Variants in CUL1 observed in about 807,000 individuals in gnomAD.
CUL1 encodes the protein cullin 1.
CUL1 carries 24 observed loss-of-function variants against 118.0 expected under a neutral mutation model. The observed-to-expected ratio is 0.20, with a 90% CI of 0.15 to 0.29. The LOEUF (loss-of-function observed/expected upper bound fraction) is 0.29. Among genes scored for constraint, CUL1 ranks in the 10% least tolerant of loss-of-function variants. CUL1 has a pLI of 1.00. For missense variants in CUL1, 361 were observed against 933.8 expected (o/e 0.39, Z 7.99); for synonymous variants, 332 against 340.4 (o/e 0.98, Z 0.27).
At position 148,767,632 on chromosome 7, in the gene CUL1, G is replaced by A; in HGVS notation, c.966G>A (p.Met322Ile). ...DADKNEDLGR[M>I]YNLVSRIQDG... ...TTCCTCTTTCAGATTTGGGACGCAT[G>A]TATAATCTTGTATCTAGAATCCAGG... The change falls in exon 9 of 22, where the codon ATG becomes ATA. Residue 322 changes from methionine (M) to isoleucine (I), a missense_variant. Physicochemically the swap from Met to Ile is conservative, Grantham distance 10 (BLOSUM62 1). This residue lies in a region of CUL1 where 169 missense variants were observed against 429.7 expected (regional missense o/e 0.39). Coordinates refer to ENST00000325222, the MANE Select transcript of CUL1 (RefSeq NM_003592.3). 1.2e-6 allele frequency: 2 copies of A among 1,613,746 alleles called. No individual in the cohort carries two copies. The highest frequency in any genetic ancestry group is 8.5e-7 in the Non-Finnish European group (1 of 1,179,898).
chr7:148,757,301 T>C, intron 4 of CUL1, 151 bp downstream of exon 4: 3 of 453,778 alleles, frequency 6.6e-6, no homozygotes, highest in Non-Finnish European at 1.1e-5. Flanking sequence ...AAATGTCACT[T>C]AAATATTTTT....
chr7:148,735,465 G>C (rs1248319589), intron 2 of CUL1, among the ~76,000 whole-genome samples: 1 of 152,254 alleles, frequency 6.6e-6, no homozygotes, highest in Non-Finnish European at 1.5e-5. Context: ...CAGCCTTCCT[G>C]CTTCGCCTGC....
chr7:148,704,158 C>G lies in CUL1; in HGVS notation c.-162+5129C>G, dbSNP rs59416714. Among the ~76,000 whole-genome samples, 750 of 129,218 alleles carry G rather than the reference C, an allele frequency of 5.8e-3. 21 individuals carry two copies. Among genetic ancestry groups the G allele is most frequent in the African/African-American group, 0.021 (708 of 33,964 alleles). 84.8% of individuals were successfully genotyped at this position (129,218 alleles called of 152,430 possible). On this transcript the variant is annotated intron_variant, in intron 1 of 21. Transcript: ENST00000325222. ...TGTGAACACCACCAACAAAAGCGGC[C>G]CCCCCCCACCCCCGTGGAAAAAAAT...
intron 6 of CUL1, among the ~76,000 whole-genome samples, chr7:148,760,087 C>G (rs945648200): frequency 6.6e-6 from 1 of 152,158 alleles, no homozygotes; most frequent in African/African-American, 2.4e-5. Flanking sequence ...AAAGGAACTT[C>G]ATAATTTTGA....
At chr7:148,730,919 C>T (rs1798742803) in intron 2 of CUL1, among the ~76,000 whole-genome samples, 1 of 152,186 alleles carries the variant, frequency 6.6e-6, no homozygotes, top group African/African-American at 2.4e-5. Flanking sequence ...TCAAGCAATC[C>T]TCCCATCTCA....
rs567353078 is a variant in CUL1 at position 148,800,365 on chromosome 7, C to A, written c.2251-137C>A. 33 of 660,778 alleles carry A rather than the reference C, an allele frequency of 5.0e-5. No homozygotes were observed. In the African/African-American group the frequency reaches 6.0e-4, roughly 12 times the overall value. The allele number at this position is 660,778 out of a possible 1,614,324, so 40.9% of individuals were successfully genotyped here. A position where few individuals can be genotyped will look rare whatever the true frequency, so the allele number is the denominator to read the frequency against. Reference sequence around the variant, plus strand: ...GAAGTAAAACTCTATGCTAACAGATCTGGGGCGGGGACACTGCTCCCCACT... The same window carrying A: ...GAAGTAAAACTCTATGCTAACAGATATGGGGCGGGGACACTGCTCCCCACT... On this transcript the variant is annotated intron_variant, in intron 21 of 21. Coordinates refer to ENST00000325222, the MANE Select transcript of CUL1 (RefSeq NM_003592.3). The surrounding 1 kb of genome is among the most constrained non-coding windows in gnomAD (Gnocchi z 4.6).
At chr7:148,699,662 G>A (rs958163365) in intron 1 of CUL1, among the ~76,000 whole-genome samples, 10 of 152,236 alleles carry the variant, frequency 6.6e-5, no homozygotes, top group Middle Eastern at 3.4e-3. Context: ...CTATTATTGG[G>A]TAACAGTCGC....
chr7:148,790,761 C>G (rs1211599416), intron 16 of CUL1, among the ~76,000 whole-genome samples: 2 of 152,220 alleles, frequency 1.3e-5, no homozygotes, highest in East Asian at 3.8e-4. Context: ...GCCTGACACA[C>G]ATCAGCTGTT....
chr7:148,700,403 G>A (rs1427810801), intron 1 of CUL1, among the ~76,000 whole-genome samples: 1 of 152,186 alleles, frequency 6.6e-6, no homozygotes, highest in Non-Finnish European at 1.5e-5. Context: ...ACCCGAAAAT[G>A]TACCCGATTT....
Position 148,787,447 on chromosome 7 carries a change from G to T in CUL1, c.1479+327G>T, listed in dbSNP as rs913230726. On this transcript the variant is annotated intron_variant, in intron 13 of 21. Transcript: ENST00000325222. This position sits in a 1 kb window ranked among gnomAD's most constrained non-coding sequence, Gnocchi z 5.5. ...ACTACACTCCAGCCTGGGCAACAGA[G>T]TGAGACTCTGTCTCAGAAAAAAATA... 2.6e-5 allele frequency among the ~76,000 whole-genome samples: 4 copies of T among 152,186 alleles called. No homozygotes were observed. The highest frequency in any genetic ancestry group is 9.7e-5 in the African/African-American group (4 of 41,436).
intron 2 of CUL1, among the ~76,000 whole-genome samples, chr7:148,737,507 G>T (rs185535682): frequency 6.6e-6 from 1 of 151,304 alleles, no homozygotes; most frequent in Non-Finnish European, 1.5e-5. Flanking sequence ...ATTTGGTACA[G>T]GTTAACTTGT....
chr7:148,781,499 C>T (rs1283292733), intron 9 of CUL1, among the ~76,000 whole-genome samples: 1 of 152,180 alleles, frequency 6.6e-6, no homozygotes, highest in Non-Finnish European at 1.5e-5. Context: ...TTCTTTACTC[C>T]TGGAGATTTG....
chr7:148,753,426 T>C (rs550372422), intron 2 of CUL1, among the ~76,000 whole-genome samples: 3 of 152,330 alleles, frequency 2.0e-5, no homozygotes, highest in Non-Finnish European at 4.4e-5. Context: ...TATACATCTC[T>C]CTCTTTCTCA....
At chr7:148,732,415 T>A (rs980346110) in intron 2 of CUL1, among the ~76,000 whole-genome samples, 3 of 151,036 alleles carry the variant, frequency 2.0e-5, no homozygotes, top group Non-Finnish European at 4.4e-5. Flanking sequence ...TGATCTCGGC[T>A]CACTGCAACC....
rs543822861 is a variant in CUL1 at position 148,777,568 on chromosome 7, G to T, written c.1084-6215G>T. ...ACAAATGTTTTACCTGAGTCTGCAC[G>T]TGTTGGAGAGTTCTCCAAATTAACT... On this transcript the variant is annotated intron_variant, in intron 9 of 21. Transcript: ENST00000325222. 9.8e-5 allele frequency among the ~76,000 whole-genome samples: 15 copies of T among 152,344 alleles called. No homozygotes were observed. The East Asian group carries it at 2.7e-3, about 27-fold the overall frequency.
At chr7:148,783,680 A>G (rs1403049433) in intron 9 of CUL1, 103 bp from the exon 10 acceptor site, 1 of 1,571,254 alleles carries the variant, frequency 6.4e-7, no homozygotes, top group Non-Finnish European at 8.7e-7. Flanking sequence ...AGGTATCTAT[A>G]GCTTTTAGAA....
chr7:148,770,428 C>T (rs1386708250), intron 9 of CUL1, among the ~76,000 whole-genome samples: 2 of 152,224 alleles, frequency 1.3e-5, no homozygotes, highest in African/African-American at 4.8e-5. Context: ...TTATTATTTA[C>T]ATAAGCACTG....
At chr7:148,725,219 G>GCACGCACACACACACACA in intron 1 of CUL1, among the ~76,000 whole-genome samples, 7 of 140,150 alleles carry the variant, frequency 5.0e-5, no homozygotes, top group African/African-American at 2.0e-4. Context: ...ACACGCGCGC[G>GCACGCACACACACACACA]CTCACACACA....
At chr7:148,772,290 C>T (rs190847003) in intron 9 of CUL1, among the ~76,000 whole-genome samples, 112 of 152,280 alleles carry the variant, frequency 7.4e-4, no homozygotes, top group Non-Finnish European at 1.2e-3. Flanking sequence ...TAGCAGGCAC[C>T]TGTAATCCCA....
Sources: allele counts gnomAD v4.1 joint callset (sites outside exome capture counted in the v4.1 genomes callset), GRCh38; gene constraint gnomAD v4.1.1; regional missense constraint gnomAD v4.1.1; non-coding constraint Gnocchi (gnomAD v3.1); transcripts MANE v1.5; gene names NCBI Gene and HGNC (gene_info 2026-07-23, HGNC 2026-07-21).